C18orf63: variants seen among roughly 807,000 people sequenced by gnomAD.
C18orf63 encodes uncharacterized protein C18orf63.
C18orf63 carries 50 observed loss-of-function variants against 75.3 expected under a neutral mutation model. That is an observed-to-expected ratio of 0.66 (90% confidence interval 0.53 to 0.84). The LOEUF (loss-of-function observed/expected upper bound fraction) is 0.84. C18orf63 is among the 40% of genes least tolerant of loss of function. C18orf63 has a pLI of 0.00. For synonymous variants in C18orf63, 232 were observed against 267.6 expected, an observed-to-expected ratio of 0.87 and a Z score of 1.30; for missense variants, 732 against 800.2, an observed-to-expected ratio of 0.91 and a Z score of 1.03.
At chr18:74,346,826 G>T (rs1984583231) in intron 11 of C18orf63, among the ~76,000 whole-genome samples, 1 of 152,140 alleles carries the variant, frequency 6.6e-6, no homozygotes, top group African/African-American at 2.4e-5. Context: ...ATTCTATTGA[G>T]TGCTTTCTGC....
chr18:74,351,501 G>T (rs1174097018), intron 11 of C18orf63, among the ~76,000 whole-genome samples: 1 of 152,160 alleles, frequency 6.6e-6, no homozygotes, highest in Non-Finnish European at 1.5e-5. Flanking sequence ...GGAAGAGACT[G>T]CCTGTCAGCA....
At chr18:74,318,233 T>C (rs928494006) in intron 2 of C18orf63, among the ~76,000 whole-genome samples, 8 of 152,224 alleles carry the variant, frequency 5.3e-5, no homozygotes, top group Non-Finnish European at 1.0e-4. Context: ...CTGTGACCTC[T>C]TATGTGCTTT....
chr18:74,322,599 C>A, intron 3 of C18orf63, 99 bp from the exon 4 acceptor site: 1 of 353,336 alleles, frequency 2.8e-6, no homozygotes, highest in Non-Finnish European at 5.0e-6. Flanking sequence ...TGGCCTGATT[C>A]TTTGCCCTCT....
intron 7 of C18orf63, among the ~76,000 whole-genome samples, chr18:74,337,838 G>A (rs774782560): frequency 6.6e-6 from 1 of 152,142 alleles, no homozygotes. Context: ...AGAAGGATCA[G>A]TCACTGGACA....
At chr18:74,348,500 C>T (rs1411792035) in intron 11 of C18orf63, among the ~76,000 whole-genome samples, 2 of 152,108 alleles carry the variant, frequency 1.3e-5, no homozygotes, top group Non-Finnish European at 2.9e-5. Context: ...TTAATTATTG[C>T]TTTAATATTA....
At position 74,356,866 on chromosome 18, in the gene C18orf63, A is replaced by G. The variant is rs1204653693; in HGVS notation, c.*419A>G. 1 of 152,162 alleles carries G rather than the reference A, an allele frequency of 6.6e-6. No homozygotes were observed. Among genetic ancestry groups the G allele is most frequent in the Non-Finnish European group, 1.5e-5 (1 of 68,030 alleles). The allele number at this position is 152,162 out of a possible 1,614,324, so 9.4% of individuals were successfully genotyped here. On this transcript the variant is annotated 3_prime_UTR_variant, in exon 14 of 14. Transcript: ENST00000579455. ...CTATCACCCAGATCTACCAGTTATT[A>G]ATATTTTGCCACTGTTTCATCTGTT...
chr18:74,354,043 A>G lies in C18orf63; in HGVS notation c.1776A>G (p.Arg592=). The G allele has an allele frequency of 6.5e-7, 1 of 1,536,378 alleles. No individual in the cohort carries two copies. The highest frequency in any genetic ancestry group is 8.7e-7 in the Non-Finnish European group (1 of 1,146,946). ...GCCATGGGTCACTAAAACTGAAAAG[A>G]CAGCCACACATTTTTGAATCAGATG... ...GKSHGSLKLK[R]QPHIFESDGE... Residue 592 remains arginine, a synonymous_variant, in exon 12 of 14, where the codon AGA becomes AGG. Transcript: ENST00000579455.
At chr18:74,325,000 G>A (rs535297049) in intron 4 of C18orf63, among the ~76,000 whole-genome samples, 15 of 152,204 alleles carry the variant, frequency 9.9e-5, no homozygotes, top group African/African-American at 3.4e-4. Flanking sequence ...ATCATAATCA[G>A]CAGATATTTA....
intron 2 of C18orf63, 131 bp from the exon 3 acceptor site, chr18:74,320,382 G>A (rs1191700378): frequency 9.4e-6 from 5 of 533,720 alleles, no homozygotes; most frequent in Middle Eastern, 4.9e-4. Flanking sequence ...GGGGAAATCC[G>A]CCGCCATGAG....
chr18:74,333,238 G>A (rs879610490), intron 7 of C18orf63, among the ~76,000 whole-genome samples: 3 of 152,122 alleles, frequency 2.0e-5, no homozygotes, highest in Non-Finnish European at 2.9e-5. Flanking sequence ...GGCCTCCCTT[G>A]GGAGACCAGG....
At position 74,359,143 on chromosome 18, in the gene C18orf63, A is replaced by G. The variant is rs532080664; in HGVS notation, c.*2696A>G. The G allele has an allele frequency of 2.3e-4, 35 of 152,348 alleles. No homozygotes were observed. Among genetic ancestry groups the G allele is most frequent in the Admixed American group, 1.8e-3 (28 of 15,300 alleles). 9.4% of individuals were successfully genotyped at this position (152,348 alleles called of 1,614,324 possible). A position where few individuals can be genotyped will look rare whatever the true frequency, so the allele number is the denominator to read the frequency against. On this transcript the variant is annotated 3_prime_UTR_variant, in exon 14 of 14. Transcript: ENST00000579455. Reference sequence around the variant, plus strand: ...AAATGTTCACTTTGTTGTACGTTACATAGTGTCTTATTCAAAATTGAAAAT... The same window carrying G: ...AAATGTTCACTTTGTTGTACGTTACGTAGTGTCTTATTCAAAATTGAAAAT...
intron 13 of C18orf63, among the ~76,000 whole-genome samples, chr18:74,355,856 C>T (rs968798864): frequency 6.6e-6 from 1 of 152,084 alleles, no homozygotes; most frequent in Non-Finnish European, 1.5e-5. Flanking sequence ...TGAGATCACG[C>T]CATTGCACTC....
At chr18:74,322,317 T>C (rs1391949263) in intron 3 of C18orf63, among the ~76,000 whole-genome samples, 9 of 152,250 alleles carry the variant, frequency 5.9e-5, no homozygotes. Flanking sequence ...CTTTAATTTG[T>C]ATTCCTTTTA....
intron 3 of C18orf63, among the ~76,000 whole-genome samples, chr18:74,322,243 G>C (rs1029029673): frequency 6.6e-6 from 1 of 152,166 alleles, no homozygotes; most frequent in Non-Finnish European, 1.5e-5. Flanking sequence ...ATACCCTCAC[G>C]AACACTGTAG....
chr18:74,319,016 T>C (rs139847614), intron 2 of C18orf63, among the ~76,000 whole-genome samples: 1 of 152,172 alleles, frequency 6.6e-6, no homozygotes, highest in African/African-American at 2.4e-5. Context: ...TTCATTTTCG[T>C]CTTATTTACA....
intron 7 of C18orf63, among the ~76,000 whole-genome samples, chr18:74,335,602 T>G (rs1449583076): frequency 6.6e-6 from 1 of 152,168 alleles, no homozygotes; most frequent in Non-Finnish European, 1.5e-5. Context: ...GGGATATATT[T>G]CAGAAAAGCA....
Position 74,330,922 on chromosome 18 carries a change from A to G in C18orf63, c.481A>G (p.Ile161Val). The stretch of plus-strand genomic sequence containing the variant: ...TTGTCTAAGTATAGAAGCTTGCACA[A>G]TCAGACTGCCAGCACCTGAGGTACC... ...QVCLSIEACTIRLPAPELKEF... is the reference protein window; with the variant it reads ...QVCLSIEACTVRLPAPELKEF... Residue 161 changes from isoleucine to valine, a missense_variant, in exon 7 of 14, where the codon ATC (isoleucine) becomes GTC (valine). By Grantham distance (29) the Ile-to-Val change is conservative. Around this residue, in one of 3 missense-constraint regions of C18orf63, gnomAD observed 233 missense variants for 272.7 expected, o/e 0.85. Transcript: ENST00000579455. 6.8e-7 allele frequency: 1 copy of G among 1,469,064 alleles called. No homozygotes were observed. Among genetic ancestry groups the G allele is most frequent in the East Asian group, 2.6e-5 (1 of 38,814 alleles). 91.0% of individuals were successfully genotyped at this position (1,469,064 alleles called of 1,614,324 possible).
chr18:74,320,002 A>T (rs568996546), intron 2 of C18orf63, among the ~76,000 whole-genome samples: 2 of 152,336 alleles, frequency 1.3e-5, no homozygotes, highest in African/African-American at 4.8e-5. Context: ...GTGCTATGCA[A>T]AGTGTGGGGA....
intron 3 of C18orf63, among the ~76,000 whole-genome samples, chr18:74,320,942 A>G (rs1403696210): frequency 1.3e-5 from 2 of 152,134 alleles, no homozygotes; most frequent in Non-Finnish European, 1.5e-5. Context: ...ATTTCAACAA[A>G]TCTCCAGTTG....
Sources: gnomAD v4.1 joint callset for allele counts (sites outside exome capture counted in the v4.1 genomes callset) on GRCh38, gnomAD v4.1.1 for gene constraint, gnomAD v4.1.1 regional missense constraint, MANE v1.5 for transcripts, NCBI Gene and HGNC (gene_info 2026-07-23, HGNC 2026-07-21) for gene names.